PLCG2: variants seen among roughly 807,000 people sequenced by gnomAD.
PLCG2 encodes 1-phosphatidylinositol 4,5-bisphosphate phosphodiesterase gamma-2.
In PLCG2, 69 loss-of-function variants were observed where a neutral mutation model predicts 175.6. The observed-to-expected ratio is 0.39, with a 90% confidence interval of 0.32 to 0.48. The LOEUF is 0.48. Ranked by LOEUF, PLCG2 falls within the 20% of genes least tolerant of loss-of-function variation. PLCG2 has a pLI of 0.91. For synonymous variants in PLCG2, 827 were observed against 624.0 expected, an observed-to-expected ratio of 1.33 and a Z score of -4.85; for missense variants, 1,798 against 1,650.9, an observed-to-expected ratio of 1.09 and a Z score of -1.54.
chr16:81,799,765 T>C (rs990029068), intron 2 of PLCG2, among the ~76,000 whole-genome samples: 1 of 152,000 alleles, frequency 6.6e-6, no homozygotes, highest in African/African-American at 2.4e-5. Context: ...GCTAATTTTT[T>C]TGTATTTTTA....
At chr16:81,794,522 A>C (rs1021211287) in intron 2 of PLCG2, among the ~76,000 whole-genome samples, 1 of 152,164 alleles carries the variant, frequency 6.6e-6, no homozygotes, top group Non-Finnish European at 1.5e-5. Context: ...GTGATGGTAT[A>C]AAGAAGGGCT....
chr16:81,897,362 T>TA (rs1300825831), intron 13 of PLCG2, among the ~76,000 whole-genome samples: 2 of 152,336 alleles, frequency 1.3e-5, no homozygotes, highest in East Asian at 3.9e-4. Flanking sequence ...GCAAAGCACT[T>TA]ACCATCCTAT....
At position 81,854,496 on chromosome 16, in the gene PLCG2, C is replaced by T. The variant is rs771764012; in HGVS notation, c.246C>T (p.Phe82=). ...EIRPGKNSKD[F]ERAKAVRQKE... is the part of the protein sequence containing the mutation. ...GCCCAGGGAAGAACTCCAAAGATTT[C>T]GAGCGAGCAAAAGCAGTTCGCCAGA... Residue 82 remains phenylalanine, a synonymous_variant, in exon 3 of 33, where the codon TTC becomes TTT. Coordinates refer to ENST00000564138, the MANE Select transcript of PLCG2 (RefSeq NM_002661.5). The T allele has an allele frequency of 1.7e-5, 28 of 1,613,866 alleles. No individual in the cohort carries two copies. The highest frequency in any genetic ancestry group is 6.7e-5 in the African/African-American group (5 of 74,918).
In PLCG2 at chr16:81,854,007, G is replaced by C. The variant is rs557833530; in HGVS notation, c.194-437G>C. On this transcript the variant is annotated intron_variant, in intron 2 of 32. Coordinates refer to ENST00000564138, the MANE Select transcript of PLCG2 (RefSeq NM_002661.5). ...AGCATTTGTAGCTTTTGGGACTCAA[G>C]GGAAAAGGTCATCAAGGTCAAGGTC... is the stretch of plus-strand genomic sequence containing the variant. 6.2e-4 allele frequency among the ~76,000 whole-genome samples: 95 copies of C among 152,252 alleles called. No individual in the cohort carries two copies. The Middle Eastern group carries it at 0.01, about 16-fold the overall frequency.
chr16:81,882,266 C>G (rs534642222), intron 8 of PLCG2, among the ~76,000 whole-genome samples: 187 of 152,294 alleles, frequency 1.2e-3, no homozygotes, highest in African/African-American at 4.3e-3. Flanking sequence ...GGCCTGCTGG[C>G]CAAGGCGGGA....
chr16:81,856,624 G>C (rs996483429), intron 3 of PLCG2, among the ~76,000 whole-genome samples: 2 of 152,050 alleles, frequency 1.3e-5, no homozygotes, highest in Non-Finnish European at 2.9e-5. Context: ...GTTAGCATAG[G>C]GTTAAAAGCT....
At chr16:81,792,523 A>C (rs1451562942) in intron 2 of PLCG2, among the ~76,000 whole-genome samples, 2 of 151,282 alleles carry the variant, frequency 1.3e-5, no homozygotes, top group Non-Finnish European at 2.9e-5. Flanking sequence ...ACAAAACAAA[A>C]CAAAAACAAG....
chr16:81,843,899 G>A (rs1026161164), intron 2 of PLCG2, among the ~76,000 whole-genome samples: 5 of 152,170 alleles, frequency 3.3e-5, no homozygotes, highest in African/African-American at 1.2e-4. Context: ...ATTGCAGACA[G>A]ACACGCCTTT....
At chr16:81,765,036 C>T (rs560913304) in intron 2 of PLCG2, among the ~76,000 whole-genome samples, 2 of 63,520 alleles carry the variant, frequency 3.1e-5, no homozygotes, top group African/African-American at 7.4e-5. Context: ...CGCAGTGAAC[C>T]GTGATCACCC....
chr16:81,829,218 C>T (rs1029219962), intron 2 of PLCG2, among the ~76,000 whole-genome samples: 6 of 152,202 alleles, frequency 3.9e-5, no homozygotes, highest in African/African-American at 1.4e-4. Flanking sequence ...AAGCGATTCT[C>T]CTGCCTCAGC....
intron 2 of PLCG2, among the ~76,000 whole-genome samples, chr16:81,832,691 A>G (rs574676832): frequency 1.3e-5 from 2 of 152,248 alleles, no homozygotes; most frequent in Non-Finnish European, 2.9e-5. Context: ...GGCATGAGCC[A>G]TTGCGCCCAG....
chr16:81,834,504 T>C (rs1195786391), intron 2 of PLCG2, among the ~76,000 whole-genome samples: 18 of 152,122 alleles, frequency 1.2e-4, no homozygotes, highest in Non-Finnish European at 2.5e-4. Context: ...TTGATGATAA[T>C]GGTAGTTACT....
chr16:81,755,981 T>C, intron 2 of PLCG2: 1 of 152,760 alleles, frequency 6.5e-6, no homozygotes, highest in Non-Finnish European at 1.5e-5. Flanking sequence ...GCACATGGCC[T>C]CCAATCTGTC....
chr16:81,829,815 A>G (rs4889408), intron 2 of PLCG2, among the ~76,000 whole-genome samples: 151,616 of 152,280 alleles, frequency 1, 75,478 homozygotes, highest in East Asian at 1. Context: ...CTCCTTTGAA[A>G]TTGCAGAGGG....
chr16:81,843,233 A>T (rs1263323691), intron 2 of PLCG2, among the ~76,000 whole-genome samples: 1 of 152,160 alleles, frequency 6.6e-6, no homozygotes, highest in Admixed American at 6.5e-5. Context: ...ACCCATGCAG[A>T]CAAAGCCCTC....
intron 2 of PLCG2, among the ~76,000 whole-genome samples, chr16:81,813,431 C>G (rs1371729680): frequency 6.6e-6 from 1 of 152,162 alleles, no homozygotes; most frequent in Non-Finnish European, 1.5e-5. Flanking sequence ...CTCTTAGTAG[C>G]AATTGTGAAT....
intron 28 of PLCG2, 185 bp from the exon 29 acceptor site, chr16:81,938,616 G>T: frequency 1.7e-6 from 1 of 584,630 alleles, no homozygotes; most frequent in Non-Finnish European, 3.0e-6. Flanking sequence ...CTGAGGAACT[G>T]TGGGATCTAC....
intron 18 of PLCG2, among the ~76,000 whole-genome samples, chr16:81,911,656 G>C (rs908104651): frequency 8.6e-5 from 13 of 151,838 alleles, no homozygotes; most frequent in African/African-American, 1.2e-4. Context: ...TGTCTCCCAG[G>C]CTGGAGTGCA....
intron 2 of PLCG2, among the ~76,000 whole-genome samples, chr16:81,810,872 T>C (rs1204726226): frequency 6.6e-6 from 1 of 152,158 alleles, no homozygotes; most frequent in Admixed American, 6.5e-5. Flanking sequence ...TCAAATAATT[T>C]TGTACATGAC....
Sources: gnomAD v4.1 joint callset for allele counts (sites outside exome capture counted in the v4.1 genomes callset) on GRCh38, gnomAD v4.1.1 for gene constraint, MANE v1.5 for transcripts, NCBI Gene and HGNC (gene_info 2026-07-23, HGNC 2026-07-21) for gene names.